Variants in CES5A observed in about 807,000 individuals in gnomAD.
CES5A encodes the protein carboxylesterase 5A, also known as carboxylesterase 5.
CES5A carries 67 observed loss-of-function variants against 62.9 expected under a neutral mutation model. The ratio of observed to expected loss-of-function variants is 1.07; its 90% CI spans 0.88 to 1.31. The LOEUF (loss-of-function observed/expected upper bound fraction) is 1.31. Among genes scored for constraint, CES5A ranks in the 50% most tolerant of loss-of-function variants. The pLI, the probability that CES5A is intolerant of heterozygous loss-of-function variation, is 0.00. For missense variants in CES5A, 748 were observed against 708.5 expected, an observed-to-expected ratio of 1.06 and a Z score of -0.63; for synonymous variants, 296 against 280.8, an observed-to-expected ratio of 1.05 and a Z score of -0.54.
At chr16:55,880,777 C>T (rs574211367) in intron 1 of CES5A, among the ~76,000 whole-genome samples, 1 of 152,260 alleles carries the variant, frequency 6.6e-6, no homozygotes, top group South Asian at 2.1e-4. Context: ...TTGTTAACTG[C>T]CTTGGAAACC....
chr16:55,911,194 C>T (rs1441081088), intron 1 of CES5A, among the ~76,000 whole-genome samples: 2 of 152,194 alleles, frequency 1.3e-5, no homozygotes, highest in East Asian at 3.8e-4. Context: ...TCCTCCTTCT[C>T]TGCATGGTGA....
intron 2 of CES5A, among the ~76,000 whole-genome samples, chr16:55,872,400 G>T (rs77310782): frequency 6.6e-6 from 1 of 152,166 alleles, no homozygotes; most frequent in Non-Finnish European, 1.5e-5. Context: ...CCTCTTCTTC[G>T]GAAACACCCA....
At chr16:55,936,925 G>A (rs78500379) in intron 2 of CES5A, among the ~76,000 whole-genome samples, 3,652 of 152,154 alleles carry the variant, frequency 0.024, 162 homozygotes, top group African/African-American at 0.083. Flanking sequence ...AAACAACTCT[G>A]GTGAGGGAGC....
chr16:55,868,920 G>A (rs1352262427), intron 4 of CES5A, among the ~76,000 whole-genome samples: 12 of 152,238 alleles, frequency 7.9e-5, no homozygotes, highest in African/African-American at 2.7e-4. Context: ...ATTATTTTGA[G>A]GGTGAGTTGA....
upstream of CES5A, among the ~76,000 whole-genome samples, chr16:55,877,432 AT>A (rs1383469740): frequency 6.8e-5 from 10 of 146,070 alleles, no homozygotes; most frequent in African/African-American, 1.0e-4. Context: ...ATATATATAT[AT>A]GTGTGTGTGT....
chr16:55,866,196 TGTGGGCAGGGGTCA>T, intron 4 of CES5A, 80 bp from the exon 5 acceptor site: 2 of 1,446,778 alleles, frequency 1.4e-6, no homozygotes, highest in Non-Finnish European at 1.9e-6. Context: ...CAGCAGAGGC[TGTGGGCAGGGGTCA>T]GTGGGGAGGG....
chr16:55,943,627 T>C (rs1316385506), intron 2 of CES5A, among the ~76,000 whole-genome samples: 3 of 152,214 alleles, frequency 2.0e-5, no homozygotes, highest in Non-Finnish European at 4.4e-5. Context: ...AACATACATA[T>C]CCAGTAGCTT....
intron 1 of CES5A, among the ~76,000 whole-genome samples, chr16:55,918,518 C>G (rs1187186459): frequency 1.3e-5 from 2 of 152,186 alleles, no homozygotes; most frequent in Admixed American, 6.5e-5. Context: ...CTAATCCTTA[C>G]CAACTTCTTA....
intron 2 of CES5A, among the ~76,000 whole-genome samples, chr16:55,938,659 C>A (rs1379129271): frequency 1.5e-4 from 21 of 137,596 alleles, no homozygotes; most frequent in Non-Finnish European, 2.6e-4. Flanking sequence ...ATGGTGTGAA[C>A]CCGGGGGCAG....
intron 1 of CES5A, among the ~76,000 whole-genome samples, chr16:55,915,324 TG>T (rs1395830515): frequency 6.6e-6 from 1 of 151,786 alleles, no homozygotes; most frequent in Non-Finnish European, 1.5e-5. Flanking sequence ...ATTCATCAGC[TG>T]GGAGGCTGCA....
chr16:55,894,712 A>G (rs377000892), intron 1 of CES5A, among the ~76,000 whole-genome samples: 19 of 152,224 alleles, frequency 1.2e-4, no homozygotes, highest in African/African-American at 4.3e-4. Flanking sequence ...TTTACTGCAG[A>G]AAAAAGTTGC....
chr16:55,948,117 G>A (rs1291288271), intron 2 of CES5A, among the ~76,000 whole-genome samples: 4 of 152,128 alleles, frequency 2.6e-5, no homozygotes, highest in African/African-American at 9.7e-5. Context: ...CAATTTAGAG[G>A]TTGATTTTGC....
Position 55,853,098 on chromosome 16 carries a change from T to C in CES5A, c.1126-70A>G, listed in dbSNP as rs555141042. 3,311 of 1,507,796 alleles carry C rather than the reference T, an allele frequency of 2.2e-3. 57 individuals carry two copies. The South Asian group carries it at 0.026, about 12-fold the overall frequency. The allele number at this position is 1,507,796 out of a possible 1,614,324, so 93.4% of individuals were successfully genotyped here. A position where few individuals can be genotyped will look rare whatever the true frequency, so the allele number is the denominator to read the frequency against. On this transcript the variant is annotated intron_variant, in intron 9 of 12. Transcript: ENST00000290567. ...GGCCAACACGTTAAACACTCACCTG[T>C]GCAGGTATGATTCTGAATGCTTTAC...
chr16:55,910,848 G>A (rs1244194729), intron 1 of CES5A, among the ~76,000 whole-genome samples: 3 of 148,580 alleles, frequency 2.0e-5, no homozygotes, highest in Non-Finnish European at 4.4e-5. Flanking sequence ...TTTGCCCTTG[G>A]GCTGCCAACA....
chr16:55,881,332 T>C lies in CES5A; in HGVS notation c.-255-7295A>G, dbSNP rs1193898170. ...AGGAGAAAAGGGATTTCCTAGTGAA[T>C]GAATCGCGTGATGTGGCTATTATGT... On this transcript the variant is annotated intron_variant, in intron 1 of 12. Transcript: ENST00000518005. 2.6e-5 allele frequency among the ~76,000 whole-genome samples: 4 copies of C among 152,172 alleles called. No homozygotes were observed. The South Asian group carries it at 8.3e-4, about 32-fold the overall frequency.
intron 1 of CES5A, among the ~76,000 whole-genome samples, chr16:55,911,390 G>A (rs2034090837): frequency 6.6e-6 from 1 of 152,144 alleles, no homozygotes; most frequent in South Asian, 2.1e-4. Flanking sequence ...CTATTAATAA[G>A]GACAAGAAGA....
chr16:55,854,807 C>T (rs2033207311), intron 9 of CES5A, among the ~76,000 whole-genome samples: 1 of 151,970 alleles, frequency 6.6e-6, no homozygotes, highest in African/African-American at 2.4e-5. Flanking sequence ...GCTGGAACTG[C>T]AGATGTGAGC....
At chr16:55,939,276 T>G (rs1229418766) in intron 2 of CES5A, among the ~76,000 whole-genome samples, 1 of 152,094 alleles carries the variant, frequency 6.6e-6, no homozygotes, top group African/African-American at 2.4e-5. Flanking sequence ...TAGAATACAT[T>G]AACTGATCAG....
At chr16:55,846,707 G>T in intron 12 of CES5A, 25 bp from the exon 13 acceptor site, 1 of 1,613,310 alleles carries the variant, frequency 6.2e-7, no homozygotes, top group Non-Finnish European at 8.5e-7. Context: ...AGAAACAGGG[G>T]TGAGATTTTC....
Sources: allele counts gnomAD v4.1 joint callset (sites outside exome capture counted in the v4.1 genomes callset), GRCh38; gene constraint gnomAD v4.1.1; transcripts MANE v1.5; gene names NCBI Gene and HGNC (gene_info 2026-07-23, HGNC 2026-07-21).